Variants in LINGO2 observed in about 807,000 individuals in gnomAD.
LINGO2 encodes the protein leucine-rich repeat and immunoglobulin-like domain-containing nogo receptor-interacting protein 2.
LINGO2 carries 14 observed loss-of-function variants against 30.6 expected under a neutral mutation model. That is an observed-to-expected ratio of 0.46 (90% CI 0.30 to 0.72). LINGO2 has a LOEUF of 0.72. LINGO2 is among the 30% of genes least tolerant of loss of function. The probability of loss-of-function intolerance (pLI) is 0.07; values close to 1 mark genes in which losing one functional copy is unlikely to be tolerated. For synonymous variants in LINGO2, 317 were observed against 288.5 expected (o/e 1.10, Z -1.00); for missense variants, 729 against 751.7 (o/e 0.97, Z 0.35).
chr9:29,061,438 C>T, the LINGO2 span, among the ~76,000 whole-genome samples: 3 of 151,536 alleles, frequency 2.0e-5, no homozygotes, highest in African/African-American at 7.3e-5. Flanking sequence ...AAGTTTACTA[C>T]AAAGCTACAG....
rs936896107 is a variant in LINGO2 at position 28,454,602 on chromosome 9, T to C, written c.-279+21338A>G. On this transcript the variant is annotated intron_variant, in intron 2 of 5. Coordinates refer to ENST00000379992, the Ensembl canonical transcript of LINGO2. ...ATACATATTATATATATATACACAA[T>C]GTACATATATATTCTGTACTGTATA... Among the ~76,000 whole-genome samples the C allele has an allele frequency of 5.3e-5, 8 of 152,066 alleles. No homozygotes were observed. The East Asian group carries it at 9.7e-4, about 18-fold the overall frequency.
intron 4 of LINGO2, among the ~76,000 whole-genome samples, chr9:28,187,228 C>A (rs775410304): frequency 6.6e-6 from 1 of 152,056 alleles, no homozygotes; most frequent in Non-Finnish European, 1.5e-5. Flanking sequence ...CAGTGGCTCA[C>A]ACATGTAATC....
chr9:29,060,181 G>A, the LINGO2 span, among the ~76,000 whole-genome samples: 1 of 151,998 alleles, frequency 6.6e-6, no homozygotes, highest in Non-Finnish European at 1.5e-5. Context: ...GAGCAGTGGT[G>A]CAGAAAGTTA....
chr9:29,057,722 A>C, the LINGO2 span, among the ~76,000 whole-genome samples: 2 of 152,146 alleles, frequency 1.3e-5, no homozygotes, highest in Admixed American at 6.6e-5. Context: ...TTGAGCATGC[A>C]TCGGGCCAGA....
chr9:28,111,289 G>T (rs1181674581), intron 4 of LINGO2, among the ~76,000 whole-genome samples: 1 of 150,908 alleles, frequency 6.6e-6, no homozygotes, highest in Non-Finnish European at 1.5e-5. Flanking sequence ...TAACACATGT[G>T]GGGCCTAAAC....
At chr9:28,843,000 T>A in the LINGO2 span, among the ~76,000 whole-genome samples, 1 of 151,802 alleles carries the variant, frequency 6.6e-6, no homozygotes, top group Non-Finnish European at 1.5e-5. Context: ...TGATATACAA[T>A]GGGTGATTTT....
chr9:29,006,315 G>A, the LINGO2 span, among the ~76,000 whole-genome samples: 1 of 151,848 alleles, frequency 6.6e-6, no homozygotes, highest in Non-Finnish European at 1.5e-5. Flanking sequence ...CCAGAGAAGG[G>A]CTCTGCTTGG....
chr9:28,373,335 T>C (rs183652211), intron 2 of LINGO2, among the ~76,000 whole-genome samples: 1,525 of 152,288 alleles, frequency 0.01, 12 homozygotes, highest in Admixed American at 0.021. Flanking sequence ...ACACAGGCTT[T>C]TGCGTCTTCT....
the LINGO2 span, among the ~76,000 whole-genome samples, chr9:28,923,261 C>T: frequency 3.6e-3 from 552 of 152,244 alleles, 2 homozygotes; most frequent in African/African-American, 0.013. Context: ...TAGCAGAGCT[C>T]CCCAGAGACA....
chr9:28,175,974 T>C (rs1375336270), intron 4 of LINGO2, among the ~76,000 whole-genome samples: 1 of 152,212 alleles, frequency 6.6e-6, no homozygotes, highest in Non-Finnish European at 1.5e-5. Flanking sequence ...CATCAGAAGA[T>C]AAACACCTGA....
chr9:28,869,072 C>G, the LINGO2 span, among the ~76,000 whole-genome samples: 1 of 151,832 alleles, frequency 6.6e-6, no homozygotes, highest in African/African-American at 2.4e-5. Flanking sequence ...TTATCACTGC[C>G]AAAGATCAGG....
intron 2 of LINGO2, among the ~76,000 whole-genome samples, chr9:28,416,006 C>T (rs1211187698): frequency 6.6e-6 from 1 of 152,082 alleles, no homozygotes; most frequent in African/African-American, 2.4e-5. Context: ...AAGACTTGAA[C>T]AAAATTATTT....
chr9:28,042,112 A>C (rs552268226), intron 4 of LINGO2, among the ~76,000 whole-genome samples: 1 of 152,362 alleles, frequency 6.6e-6, no homozygotes, highest in South Asian at 2.1e-4. Flanking sequence ...TACAGTGTAT[A>C]AAGCACGAAG....
the LINGO2 span, among the ~76,000 whole-genome samples, chr9:28,771,969 T>A: frequency 6.6e-6 from 1 of 152,142 alleles, no homozygotes; most frequent in Non-Finnish European, 1.5e-5. Context: ...CTGAATGCCG[T>A]AGGAAGACAA....
chr9:28,577,847 A>C (rs1023674239), intron 1 of LINGO2, among the ~76,000 whole-genome samples: 2 of 152,188 alleles, frequency 1.3e-5, no homozygotes, highest in African/African-American at 4.8e-5. Flanking sequence ...GGAATTAATA[A>C]TCTTACTGGG....
At chr9:28,429,786 C>G (rs1823572081) in intron 2 of LINGO2, among the ~76,000 whole-genome samples, 1 of 152,054 alleles carries the variant, frequency 6.6e-6, no homozygotes, top group Non-Finnish European at 1.5e-5. Flanking sequence ...AGATGTAGCC[C>G]CTGGTGTTCC....
chr9:28,443,050 A>C (rs1824262266), intron 2 of LINGO2, among the ~76,000 whole-genome samples: 1 of 152,148 alleles, frequency 6.6e-6, no homozygotes, highest in South Asian at 2.1e-4. Context: ...TAAAATAAGG[A>C]GTACTTCAGT....
intron 3 of LINGO2, among the ~76,000 whole-genome samples, chr9:28,332,188 AT>A (rs375349963): frequency 6.0e-5 from 9 of 150,720 alleles, no homozygotes; most frequent in South Asian, 4.2e-4. Context: ...TCTTTTTAGA[AT>A]TTTTTTTTTC....
At chr9:27,994,238 G>A (rs1016318172) in intron 5 of LINGO2, among the ~76,000 whole-genome samples, 7 of 151,762 alleles carry the variant, frequency 4.6e-5, no homozygotes, top group Admixed American at 4.6e-4. Context: ...GGACCTCAAA[G>A]AACTAGAAAA....
Sources: gnomAD v4.1 joint callset for allele counts (sites outside exome capture counted in the v4.1 genomes callset) on GRCh38, gnomAD v4.1.1 for gene constraint, MANE v1.5 for transcripts, NCBI Gene and HGNC (gene_info 2026-07-23, HGNC 2026-07-21) for gene names.